The following PTK2 variants were observed in gnomAD, a reference collection of about 807,000 sequenced individuals.
The protein encoded by PTK2 is focal adhesion kinase 1.
Under a neutral mutation model 150.1 loss-of-function variants are expected in PTK2, and 45 were observed. The observed-to-expected ratio is 0.30, with a 90% CI of 0.24 to 0.38. The LOEUF (loss-of-function observed/expected upper bound fraction) is 0.38. Among genes scored for constraint, PTK2 ranks in the 10% least tolerant of loss-of-function variants. The pLI is 1.00. For missense variants in PTK2, 919 were observed against 1,307.3 expected (o/e 0.70, Z 4.58); for synonymous variants, 432 against 449.2 (o/e 0.96, Z 0.48).
chr8:140,921,562 T>C (rs571086373), intron 2 of PTK2, among the ~76,000 whole-genome samples: 2 of 152,362 alleles, frequency 1.3e-5, no homozygotes, highest in East Asian at 3.9e-4. Flanking sequence ...TGTCTCTATG[T>C]CTATAGGTAC....
At chr8:140,664,218 G>A (rs528323677) in intron 31 of PTK2, among the ~76,000 whole-genome samples, 3 of 152,282 alleles carry the variant, frequency 2.0e-5, no homozygotes, top group African/African-American at 4.8e-5. Context: ...TCTTGACCTC[G>A]TGATCTGTCC....
chr8:140,720,554 C>T (rs1261000289), intron 22 of PTK2, among the ~76,000 whole-genome samples: 1 of 152,204 alleles, frequency 6.6e-6, no homozygotes, highest in African/African-American at 2.4e-5. Flanking sequence ...GCCTCATCCA[C>T]AAAATGGGGT....
At chr8:140,990,712 C>G (rs1266208225) in intron 1 of PTK2, among the ~76,000 whole-genome samples, 1 of 151,944 alleles carries the variant, frequency 6.6e-6, no homozygotes, top group East Asian at 1.9e-4. Context: ...TTTGTTTATC[C>G]CTACTCTTCT....
At chr8:140,782,615 G>T (rs578037614) in intron 14 of PTK2, among the ~76,000 whole-genome samples, 33 of 151,920 alleles carry the variant, frequency 2.2e-4, no homozygotes, top group African/African-American at 8.0e-4. Flanking sequence ...TTATATAATA[G>T]GTGACAATGC....
intron 23 of PTK2, among the ~76,000 whole-genome samples, chr8:140,711,636 C>T (rs927890481): frequency 6.6e-6 from 1 of 152,132 alleles, no homozygotes; most frequent in African/African-American, 2.4e-5. Flanking sequence ...GATTTTCTTA[C>T]CATTCTAGAA....
At chr8:140,779,130 C>T (rs576807101) in intron 14 of PTK2, among the ~76,000 whole-genome samples, 59 of 151,446 alleles carry the variant, frequency 3.9e-4, no homozygotes, top group African/African-American at 1.3e-3. Context: ...AGTGTGGTGG[C>T]GCACACCTGT....
At chr8:140,915,828 G>A (rs1483948861) in intron 2 of PTK2, among the ~76,000 whole-genome samples, 1 of 152,174 alleles carries the variant, frequency 6.6e-6, no homozygotes, top group African/African-American at 2.4e-5. Context: ...CTTGAACCTG[G>A]GAGGTGGAGG....
At chr8:140,666,064 G>A (rs536888978) in intron 30 of PTK2, among the ~76,000 whole-genome samples, 13 of 152,318 alleles carry the variant, frequency 8.5e-5, no homozygotes, top group Non-Finnish European at 1.6e-4. Context: ...GGGGCCAGGC[G>A]CAGTGGCTCA....
At chr8:140,696,838 T>A (rs1001191662) in intron 26 of PTK2, among the ~76,000 whole-genome samples, 2 of 152,100 alleles carry the variant, frequency 1.3e-5, no homozygotes, top group African/African-American at 4.8e-5. Context: ...AGGAAAGACA[T>A]GGTCCATGGT....
chr8:140,691,979 A>T (rs2100023446), intron 26 of PTK2, among the ~76,000 whole-genome samples: 1 of 152,214 alleles, frequency 6.6e-6, no homozygotes, highest in Non-Finnish European at 1.5e-5. Flanking sequence ...ACAGGCAGGA[A>T]ATATTTACTG....
At chr8:140,930,878 A>G (rs1235038008) in intron 1 of PTK2, among the ~76,000 whole-genome samples, 3 of 152,098 alleles carry the variant, frequency 2.0e-5, no homozygotes, top group Non-Finnish European at 4.4e-5. Flanking sequence ...GTTCAAGACC[A>G]GCCTGAGTAA....
chr8:140,858,295 C>T (rs72683781), intron 5 of PTK2, among the ~76,000 whole-genome samples: 19,158 of 151,068 alleles, frequency 0.13, 1,939 homozygotes, highest in East Asian at 0.47. Flanking sequence ...ACCCAAAATC[C>T]CAGAAGAAAT....
At chr8:140,681,100 C>G (rs1249174474) in intron 27 of PTK2, among the ~76,000 whole-genome samples, 1 of 152,224 alleles carries the variant, frequency 6.6e-6, no homozygotes, top group Non-Finnish European at 1.5e-5. Flanking sequence ...CGCGGTTGCT[C>G]ACGCCTGTAA....
At chr8:140,826,092 A>C (rs1406996371) in intron 8 of PTK2, among the ~76,000 whole-genome samples, 1 of 152,212 alleles carries the variant, frequency 6.6e-6, no homozygotes, top group African/African-American at 2.4e-5. Context: ...ATATAAATAG[A>C]AAGGGAAAAA....
chr8:140,844,520 A>G (rs944953074), intron 7 of PTK2, among the ~76,000 whole-genome samples: 8 of 152,150 alleles, frequency 5.3e-5, no homozygotes, highest in African/African-American at 1.9e-4. Context: ...ATGTAACTTA[A>G]TTTGTTGCTC....
intron 21 of PTK2, among the ~76,000 whole-genome samples, chr8:140,736,643 A>T (rs552259804): frequency 6.6e-6 from 1 of 152,208 alleles, no homozygotes; most frequent in Non-Finnish European, 1.5e-5. Context: ...TAAAGGATGG[A>T]TGTTTTCTCC....
intron 14 of PTK2, among the ~76,000 whole-genome samples, chr8:140,783,144 G>A (rs1055262445): frequency 6.6e-6 from 1 of 152,170 alleles, no homozygotes; most frequent in Non-Finnish European, 1.5e-5. Flanking sequence ...GGGAAGCTAA[G>A]GCAGGAGGAT....
chr8:140,676,943 CAAA>C (rs71320398), intron 27 of PTK2, among the ~76,000 whole-genome samples: 1,942 of 85,896 alleles, frequency 0.023, 48 homozygotes, highest in African/African-American at 0.083. Flanking sequence ...GACTCCATCT[CAAA>C]AAAAAAAAAA....
chr8:140,985,406 T>C (rs988619826), intron 1 of PTK2, among the ~76,000 whole-genome samples: 1 of 152,160 alleles, frequency 6.6e-6, no homozygotes, highest in African/African-American at 2.4e-5. Context: ...ATTACAGGCA[T>C]TGAGTCACTG....
Sources: allele counts gnomAD v4.1 joint callset (sites outside exome capture counted in the v4.1 genomes callset), GRCh38; gene constraint gnomAD v4.1.1; transcripts MANE v1.5; gene names NCBI Gene and HGNC (gene_info 2026-07-23, HGNC 2026-07-21).